The following ATXN2 variants were observed in gnomAD, a reference collection of about 807,000 sequenced individuals.
ATXN2 encodes ataxin-2.
In ATXN2, 37 loss-of-function variants were observed where a neutral mutation model predicts 138.6. The observed-to-expected ratio is 0.27, with a 90% CI of 0.21 to 0.35. ATXN2 has a LOEUF of 0.35. Ranked by LOEUF, ATXN2 falls within the 10% of genes least tolerant of loss-of-function variation. The probability of loss-of-function intolerance (pLI) is 1.00; values close to 1 mark genes in which losing one functional copy is unlikely to be tolerated. For synonymous variants in ATXN2, 549 were observed against 543.7 expected (o/e 1.01, Z -0.13); for missense variants, 1,216 against 1,480.3 (o/e 0.82, Z 2.93).
rs747088267 is a variant in ATXN2 at position 111,552,410 on chromosome 12, G to T, written c.441C>A (p.Ala147=). The T allele has an allele frequency of 6.2e-7, 1 of 1,610,964 alleles. No homozygotes were observed. The highest frequency in any genetic ancestry group is 1.7e-5 in the Admixed American group (1 of 59,274). ...TGGATTCTGTACTTTTCTCATGTGCGGCATCAAGTACCAAATCACACTAAA... is the reference window on the plus strand; with the variant it reads ...TGGATTCTGTACTTTTCTCATGTGCTGCATCAAGTACCAAATCACACTAAA... ...YSPKCDLVLD[A]AHEKSTESSS... is the part of the protein sequence containing the mutation. Residue 147 remains alanine, a synonymous_variant, in exon 5 of 25, where the codon GCC becomes GCA. Transcript: ENST00000673436. The surrounding 1 kb of genome is among the most constrained non-coding windows in gnomAD (Gnocchi z 4.1).
intron 1 of ATXN2, among the ~76,000 whole-genome samples, chr12:111,590,502 T>C (rs1231724180): frequency 2.0e-5 from 3 of 151,892 alleles, no homozygotes; most frequent in Non-Finnish European, 4.4e-5. Flanking sequence ...CTGGCCAACA[T>C]GGTGAAACCC....
At chr12:111,582,053 G>C (rs920593004) in intron 1 of ATXN2, among the ~76,000 whole-genome samples, 6 of 152,074 alleles carry the variant, frequency 3.9e-5, no homozygotes, top group Non-Finnish European at 8.8e-5. Context: ...AAGAATTTAG[G>C]CTGGGTGTGC....
chr12:111,539,676 G>A (rs1025996301), intron 5 of ATXN2, among the ~76,000 whole-genome samples: 5 of 149,984 alleles, frequency 3.3e-5, no homozygotes, highest in African/African-American at 1.2e-4. Context: ...ATGAACCCGG[G>A]AGGCGGAGCT....
chr12:111,517,547 G>GAACT (rs1477053803), intron 9 of ATXN2, among the ~76,000 whole-genome samples: 14 of 152,018 alleles, frequency 9.2e-5, no homozygotes, highest in African/African-American at 3.4e-4. Flanking sequence ...ACCATCCATA[G>GAACT]AACTGTTGTT....
At chr12:111,538,793 C>T (rs962050873) in intron 5 of ATXN2, among the ~76,000 whole-genome samples, 1 of 150,310 alleles carries the variant, frequency 6.7e-6, no homozygotes, top group Non-Finnish European at 1.5e-5. Flanking sequence ...TAATAAAAAA[C>T]TCAAACTTAC....
At chr12:111,557,995 A>G (rs1176571376) in intron 1 of ATXN2, among the ~76,000 whole-genome samples, 2 of 152,230 alleles carry the variant, frequency 1.3e-5, no homozygotes, top group Non-Finnish European at 2.9e-5. Context: ...ATCCCCTTTA[A>G]ATAAGTCACA....
chr12:111,459,478 TTGCC>T (rs1875390338), intron 21 of ATXN2, among the ~76,000 whole-genome samples: 1 of 152,254 alleles, frequency 6.6e-6, no homozygotes, highest in Non-Finnish European at 1.5e-5. Context: ...TCTCGCTCTG[TTGCC>T]CAGGCTGGAG....
intron 1 of ATXN2, among the ~76,000 whole-genome samples, chr12:111,582,989 G>T (rs796829710): frequency 0.05 from 3,469 of 68,946 alleles, 140 homozygotes; most frequent in African/African-American, 0.18. Context: ...TTTTTTTTTT[G>T]TTTGTTTTTT....
intron 1 of ATXN2, among the ~76,000 whole-genome samples, chr12:111,566,525 A>G (rs998533521): frequency 6.6e-6 from 1 of 152,150 alleles, no homozygotes; most frequent in African/African-American, 2.4e-5. Flanking sequence ...AAATAAATTG[A>G]AAACTTTCTA....
rs550346510 is a variant in ATXN2 at position 111,470,626 on chromosome 12, C to T, written c.2641G>A (p.Val881Ile). The change falls in exon 19 of 25, where the codon GTT becomes ATT. Residue 881 changes from valine to isoleucine, a missense_variant. Transcript: ENST00000673436. Reference protein sequence around the residue: ...ATPPAYSTQYVAYSPQQFPNQ... With the variant: ...ATPPAYSTQYIAYSPQQFPNQ... ...GGGAACTGCTGAGGACTGTAGGCAA[C>T]ATATTGCGTGGAGTAAGCTGGTGGG... The T allele has an allele frequency of 2.2e-5, 36 of 1,614,122 alleles. No individual in the cohort carries two copies. In the African/African-American group the frequency reaches 4.8e-4, roughly 22 times the overall value.
At chr12:111,463,740 G>A (rs531242183) in intron 21 of ATXN2, among the ~76,000 whole-genome samples, 1 of 152,194 alleles carries the variant, frequency 6.6e-6, no homozygotes, top group East Asian at 1.9e-4. Context: ...GACCTGAGAG[G>A]TCATGATCTC....
upstream of ATXN2, chr12:111,599,560 A>T: frequency 2.6e-6 from 3 of 1,166,334 alleles, no homozygotes; most frequent in Non-Finnish European, 3.2e-6. Context: ...GGAGGTGCGG[A>T]TAGGGACTCT....
At chr12:111,590,047 T>TAA (rs139062368) in intron 1 of ATXN2, among the ~76,000 whole-genome samples, 1 of 141,752 alleles carries the variant, frequency 7.1e-6, no homozygotes, top group Admixed American at 7.2e-5. Flanking sequence ...CCATCTCTAC[T>TAA]AAAAAAAAAT....
chr12:111,455,879 G>A, intron 23 of ATXN2, 150 bp downstream of exon 23: 1 of 783,042 alleles, frequency 1.3e-6, no homozygotes. Context: ...CATTCCCTTA[G>A]GGCCAGATCA....
At position 111,467,794 on chromosome 12, in the gene ATXN2, T is replaced by C. The variant is rs578245319; in HGVS notation, c.2842+2314A>G. Among the ~76,000 whole-genome samples the C allele has an allele frequency of 1.8e-4, 27 of 152,340 alleles. No individual in the cohort carries two copies. The South Asian group carries it at 2.1e-3, about 12-fold the overall frequency. On this transcript the variant is annotated intron_variant, in intron 20 of 24. Transcript: ENST00000673436. ...ATGGACATGTTCTAGGAAGTAGTTA[T>C]GAAAATCATCTGTACCTCAAACACA...
At chr12:111,472,006 TA>T (rs1876448434) in intron 18 of ATXN2, 1 of 152,140 alleles carries the variant, frequency 6.6e-6, no homozygotes, top group Non-Finnish European at 1.5e-5. Flanking sequence ...GGCTCACGCT[TA>T]TAATCCCTAC....
At chr12:111,486,910 G>C in intron 15 of ATXN2, 86 bp from the exon 16 acceptor site, 2 of 1,120,380 alleles carry the variant, frequency 1.8e-6, no homozygotes, top group Non-Finnish European at 2.6e-6. Flanking sequence ...AAAAAAAATT[G>C]CTAAATATAG....
intron 14 of ATXN2, among the ~76,000 whole-genome samples, chr12:111,499,703 A>C (rs1020999284): frequency 1.3e-5 from 2 of 152,036 alleles, no homozygotes; most frequent in Non-Finnish European, 2.9e-5. Context: ...AAAAAAAGGA[A>C]GACATACAAG....
intron 5 of ATXN2, among the ~76,000 whole-genome samples, chr12:111,543,256 G>T (rs1881625947): frequency 6.6e-6 from 1 of 152,144 alleles, no homozygotes; most frequent in African/African-American, 2.4e-5. Context: ...CCGTTCAGAA[G>T]AGATCCCTGT....
Sources: gnomAD v4.1 joint callset for allele counts (sites outside exome capture counted in the v4.1 genomes callset) on GRCh38, gnomAD v4.1.1 for gene constraint, Gnocchi (gnomAD v3.1) non-coding constraint, MANE v1.5 for transcripts, NCBI Gene and HGNC (gene_info 2026-07-23, HGNC 2026-07-21) for gene names.